RBFOX1: variants seen among roughly 807,000 people sequenced by gnomAD.
RBFOX1 encodes RNA binding fox-1 homolog 1.
Under a neutral mutation model 57.7 loss-of-function variants are expected in RBFOX1, and 8 were observed. That is an observed-to-expected ratio of 0.14 (90% confidence interval 0.08 to 0.25). The LOEUF (loss-of-function observed/expected upper bound fraction) is 0.25. Ranked by LOEUF, RBFOX1 falls within the 10% of genes least tolerant of loss-of-function variation. RBFOX1 has a pLI of 1.00. For synonymous variants in RBFOX1, 326 were observed against 222.4 expected, an observed-to-expected ratio of 1.47 and a Z score of -4.15; for missense variants, 611 against 548.5, an observed-to-expected ratio of 1.11 and a Z score of -1.14.
intron 4 of RBFOX1, among the ~76,000 whole-genome samples, chr16:7,301,910 A>C (rs1356003788): frequency 2.6e-5 from 4 of 152,192 alleles, no homozygotes; most frequent in Non-Finnish European, 5.9e-5. Flanking sequence ...TTGTGAATGC[A>C]AAAATAAATA....
At chr16:5,418,079 C>G (rs1015204881) in intron 1 of RBFOX1, among the ~76,000 whole-genome samples, 8 of 92,264 alleles carry the variant, frequency 8.7e-5, no homozygotes, top group Non-Finnish European at 1.2e-4. Context: ...AAAACTCCAT[C>G]TCAACAACAA....
rs11077068 is a variant in RBFOX1, at chr16:6,685,989, A to C, written c.-16+31339A>C. ...TGACAAAACCAAGCAGGTTCTGTCT[A>C]GCTTTTGCAAGACAGAAAAAATACT... On this transcript the variant is annotated intron_variant, in intron 3 of 15. Transcript: ENST00000550418. 5.3e-3 allele frequency among the ~76,000 whole-genome samples: 811 copies of C among 152,314 alleles called. 9 individuals are homozygous for C. Among genetic ancestry groups the C allele is most frequent in the African/African-American group, 0.018 (762 of 41,568 alleles).
At chr16:7,292,936 A>G (rs1250661905) in intron 4 of RBFOX1, among the ~76,000 whole-genome samples, 1 of 152,140 alleles carries the variant, frequency 6.6e-6, no homozygotes, top group African/African-American at 2.4e-5. Flanking sequence ...GGAGCAGGAA[A>G]CAGAGGATGA....
At position 7,700,581 on chromosome 16, in the gene RBFOX1, C is replaced by T. The variant is rs141237975; in HGVS notation, c.996-8475C>T. On this transcript the variant is annotated intron_variant, in intron 14 of 15. Transcript: ENST00000550418. The stretch of plus-strand genomic sequence containing the variant: ...GTGATTTCAAAGCACAATAAAAATT[C>T]TTAGTGATTTTGGTAGAGCAGGAGT... Among the ~76,000 whole-genome samples, 5 of 152,184 alleles carry T rather than the reference C, an allele frequency of 3.3e-5. No individual in the cohort carries two copies. The East Asian group carries it at 7.7e-4, about 24-fold the overall frequency.
At chr16:6,929,182 C>T (rs138546417) in intron 3 of RBFOX1, among the ~76,000 whole-genome samples, 143 of 152,254 alleles carry the variant, frequency 9.4e-4, no homozygotes, top group African/African-American at 3.3e-3. Context: ...AGAGCAAACA[C>T]ATTCTACTCT....
rs193118921 is a variant in RBFOX1 at position 5,900,898 on chromosome 16, C to T, written c.351+33563C>T. 2.7e-3 allele frequency among the ~76,000 whole-genome samples: 416 copies of T among 152,304 alleles called. 4 individuals are homozygous for T. Among genetic ancestry groups the T allele is most frequent in the Middle Eastern group, 0.02 (6 of 294 alleles). ...ACCAAGTCTACATAGTTCTGATTACCTGGGGAAATTAATAGAACAAATCTT... is the reference window on the plus strand; with the variant it reads ...ACCAAGTCTACATAGTTCTGATTACTTGGGGAAATTAATAGAACAAATCTT... On this transcript the variant is annotated intron_variant, in intron 4 of 19. Coordinates refer to the RBFOX1 transcript ENST00000641259.
intron 2 of RBFOX1, among the ~76,000 whole-genome samples, chr16:5,561,883 C>T (rs953492484): frequency 6.6e-6 from 1 of 152,146 alleles, no homozygotes; most frequent in African/African-American, 2.4e-5. Context: ...AGCTTTATTG[C>T]AAATGCATCC....
chr16:5,938,679 C>G (rs2059218309), intron 4 of RBFOX1, among the ~76,000 whole-genome samples: 1 of 152,030 alleles, frequency 6.6e-6, no homozygotes, highest in South Asian at 2.1e-4. Context: ...TTTTCTTTGT[C>G]ATTTGGATCC....
At chr16:6,826,097 C>T (rs2092099136) in intron 3 of RBFOX1, among the ~76,000 whole-genome samples, 1 of 152,146 alleles carries the variant, frequency 6.6e-6, no homozygotes, top group African/African-American at 2.4e-5. Flanking sequence ...CTCCCGCTAG[C>T]TGTTTATTTC....
intron 2 of RBFOX1, among the ~76,000 whole-genome samples, chr16:6,633,106 A>G (rs1752993230): frequency 1.3e-5 from 2 of 152,172 alleles, no homozygotes; most frequent in Admixed American, 1.3e-4. Flanking sequence ...AGAAAGTTGC[A>G]GCGATTGTGC....
intron 1 of RBFOX1, among the ~76,000 whole-genome samples, chr16:5,321,061 CTG>C (rs533806212): frequency 1.0e-3 from 155 of 152,316 alleles, no homozygotes; most frequent in Non-Finnish European, 2.4e-4. Context: ...CTCAGGGAAA[CTG>C]TACTGTTTGC....
At chr16:7,186,649 A>G (rs1187860770) in intron 4 of RBFOX1, among the ~76,000 whole-genome samples, 1 of 147,632 alleles carries the variant, frequency 6.8e-6, no homozygotes, top group Non-Finnish European at 1.5e-5. Flanking sequence ...TTATATACAC[A>G]TTTATATTTA....
At chr16:6,856,939 G>T (rs1001622812) in intron 3 of RBFOX1, among the ~76,000 whole-genome samples, 1 of 152,136 alleles carries the variant, frequency 6.6e-6, no homozygotes, top group Non-Finnish European at 1.5e-5. Context: ...GAAAGAAAAC[G>T]AACGGAGGGA....
chr16:6,976,404 T>C (rs986094871), intron 3 of RBFOX1, among the ~76,000 whole-genome samples: 1 of 152,152 alleles, frequency 6.6e-6, no homozygotes, highest in African/African-American at 2.4e-5. Context: ...AGAATCCAGT[T>C]TCCAGAGGCG....
At chr16:6,832,226 G>C (rs1269595170) in intron 3 of RBFOX1, among the ~76,000 whole-genome samples, 2 of 152,164 alleles carry the variant, frequency 1.3e-5, no homozygotes, top group African/African-American at 4.8e-5. Flanking sequence ...AAATAAGCAG[G>C]AGTTTCTGAA....
intron 1 of RBFOX1, among the ~76,000 whole-genome samples, chr16:6,111,166 A>C (rs555240917): frequency 6.6e-6 from 1 of 152,264 alleles, no homozygotes; most frequent in African/African-American, 2.4e-5. Context: ...TACAAGAATG[A>C]TATTCATAAT....
rs561824772 is a variant in RBFOX1 at position 6,221,411 on chromosome 16, T to A, written c.-126-95584T>A. 3.9e-5 allele frequency among the ~76,000 whole-genome samples: 6 copies of A among 152,314 alleles called. No homozygotes were observed. The South Asian group carries it at 1.2e-3, about 32-fold the overall frequency. The stretch of plus-strand genomic sequence containing the variant: ...GAGGCCTGCCTTGTGTTTTAACAAT[T>A]CAGCTGCCCAGATAACACTTAGAGA... On this transcript the variant is annotated intron_variant, in intron 1 of 15. Transcript: ENST00000550418.
intron 2 of RBFOX1, among the ~76,000 whole-genome samples, chr16:5,518,438 G>T (rs566161988): frequency 5.9e-5 from 9 of 152,262 alleles, no homozygotes; most frequent in African/African-American, 1.7e-4. Flanking sequence ...AGACTATTCA[G>T]ATTTTACTAC....
chr16:7,222,216 G>C (rs2092782670), intron 4 of RBFOX1, among the ~76,000 whole-genome samples: 1 of 152,186 alleles, frequency 6.6e-6, no homozygotes, highest in Admixed American at 6.5e-5. Flanking sequence ...GGTTCACAAA[G>C]GGCCTTGCAT....
Sources: allele counts gnomAD v4.1 joint callset (sites outside exome capture counted in the v4.1 genomes callset), GRCh38; gene constraint gnomAD v4.1.1; transcripts MANE v1.5; gene names NCBI Gene and HGNC (gene_info 2026-07-23, HGNC 2026-07-21).